The following DNER variants were observed in gnomAD, a reference collection of about 807,000 sequenced individuals.
DNER encodes the protein delta and Notch-like epidermal growth factor-related receptor.
Under a neutral mutation model 78.2 loss-of-function variants are expected in DNER, and 33 were observed. That is an observed-to-expected ratio of 0.42 (90% CI 0.32 to 0.56). DNER has a LOEUF of 0.56. DNER is among the 20% of genes least tolerant of loss of function. The pLI is 0.11. For missense variants in DNER, 918 were observed against 975.3 expected (o/e 0.94, Z 0.78); for synonymous variants, 417 against 384.8 (o/e 1.08, Z -0.98).
At position 229,434,908 on chromosome 2, in the gene DNER, T is replaced by TTA. The variant is rs10533759; in HGVS notation, c.1486+12406_1486+12407dup. ...ATCTGCTTACATATATAGAGACAAT[T>TTA]TATATATATATATATATACACACAC... On this transcript the variant is annotated intron_variant, in intron 8 of 12. Transcript: ENST00000341772. Among the ~76,000 whole-genome samples the TTA allele has an allele frequency of 3.9e-3, 462 of 118,790 alleles. 1 individual carries two copies. Among genetic ancestry groups the TTA allele is most frequent in the African/African-American group, 0.012 (416 of 34,222 alleles). 77.9% of individuals were successfully genotyped at this position (118,790 alleles called of 152,430 possible).
intron 6 of DNER, among the ~76,000 whole-genome samples, chr2:229,491,304 T>C (rs947827497): frequency 2.0e-5 from 3 of 152,198 alleles, no homozygotes; most frequent in African/African-American, 7.2e-5. Flanking sequence ...GAGGGCCCAT[T>C]CCTCATAGAC....
intron 7 of DNER, among the ~76,000 whole-genome samples, chr2:229,468,563 C>T (rs1198288471): frequency 6.6e-6 from 1 of 152,178 alleles, no homozygotes; most frequent in African/African-American, 2.4e-5. Context: ...CCATCTCCAA[C>T]CTGGTCAGTC....
intron 5 of DNER, among the ~76,000 whole-genome samples, chr2:229,530,198 A>G (rs1183868107): frequency 1.3e-5 from 2 of 152,272 alleles, no homozygotes; most frequent in African/African-American, 2.4e-5. Context: ...ATGGTATTCT[A>G]TAAGCAGCTA....
intron 9 of DNER, among the ~76,000 whole-genome samples, chr2:229,411,762 T>C (rs1693526395): frequency 6.6e-6 from 1 of 152,146 alleles, no homozygotes; most frequent in South Asian, 2.1e-4. Flanking sequence ...TACAAAGCCA[T>C]TTAAAATAAA....
intron 7 of DNER, among the ~76,000 whole-genome samples, chr2:229,460,028 G>A (rs183321994): frequency 5.9e-5 from 9 of 151,836 alleles, no homozygotes; most frequent in Admixed American, 5.9e-4. Context: ...GTGGTGGGGG[G>A]TGCCTGTAGT....
At chr2:229,523,113 A>T (rs2154212625) in intron 5 of DNER, among the ~76,000 whole-genome samples, 1 of 152,266 alleles carries the variant, frequency 6.6e-6, no homozygotes, top group South Asian at 2.1e-4. Context: ...ACTGAGTGGG[A>T]ATGGGAAGGG....
intron 10 of DNER, among the ~76,000 whole-genome samples, chr2:229,402,531 G>A (rs191390325): frequency 1.3e-5 from 2 of 152,294 alleles, no homozygotes; most frequent in South Asian, 2.1e-4. Context: ...TTAAAAGACA[G>A]AGAGAAAGAT....
intron 8 of DNER, among the ~76,000 whole-genome samples, chr2:229,425,522 T>C (rs1439245794): frequency 6.6e-6 from 1 of 152,128 alleles, no homozygotes; most frequent in African/African-American, 2.4e-5. Context: ...TAAGAGTCAC[T>C]CAATTCCTAC....
intron 6 of DNER, among the ~76,000 whole-genome samples, chr2:229,509,082 C>T (rs10193281): frequency 0.19 from 28,447 of 151,954 alleles, 2,760 homozygotes; most frequent in South Asian, 0.27. Context: ...TGGTGCTTAG[C>T]AAATATGTAA....
chr2:229,574,232 A>T (rs1697257958), intron 4 of DNER, among the ~76,000 whole-genome samples: 1 of 152,214 alleles, frequency 6.6e-6, no homozygotes, highest in Admixed American at 6.5e-5. Context: ...TAAATTCCAT[A>T]TCTGGGAATT....
At chr2:229,546,786 C>CAGAT (rs756832373) in intron 5 of DNER, among the ~76,000 whole-genome samples, 161 bp downstream of exon 5, 257 of 150,148 alleles carry the variant, frequency 1.7e-3, no homozygotes, top group East Asian at 4.3e-3. Flanking sequence ...GACAGATAGA[C>CAGAT]AGATAGATAG....
At chr2:229,377,538 T>G (rs1381026714) in intron 11 of DNER, among the ~76,000 whole-genome samples, 1 of 152,254 alleles carries the variant, frequency 6.6e-6, no homozygotes, top group Non-Finnish European at 1.5e-5. Flanking sequence ...ACTGATGTTC[T>G]GTTAATTTCC....
intron 10 of DNER, among the ~76,000 whole-genome samples, chr2:229,392,737 G>A (rs781317519): frequency 6.6e-6 from 1 of 152,112 alleles, no homozygotes; most frequent in Non-Finnish European, 1.5e-5. Context: ...TATCCCTAGA[G>A]TAAGGCTACT....
chr2:229,416,481 A>C (rs1236849234), intron 9 of DNER, among the ~76,000 whole-genome samples: 1 of 152,170 alleles, frequency 6.6e-6, no homozygotes, highest in African/African-American at 2.4e-5. Flanking sequence ...GGCATGAGGC[A>C]GAGAGAGGCC....
At chr2:229,609,440 C>A (rs945193404) in intron 1 of DNER, among the ~76,000 whole-genome samples, 1 of 152,030 alleles carries the variant, frequency 6.6e-6, no homozygotes, top group Non-Finnish European at 1.5e-5. Context: ...TGTAAATGTT[C>A]GATAAGATTC....
At position 229,638,900 on chromosome 2, in the gene DNER, C is replaced by T. The variant is rs115224209; in HGVS notation, c.277-47012G>A. 4.9e-3 allele frequency among the ~76,000 whole-genome samples: 748 copies of T among 152,328 alleles called. 7 individuals carry two copies. The highest frequency in any genetic ancestry group is 0.017 in the African/African-American group (695 of 41,568). On this transcript the variant is annotated intron_variant, in intron 1 of 12. Transcript: ENST00000341772. ...AGAAATTAGGTTCCTAATCCAAAAA[C>T]ACCAAAAGCCTCAAGGCCAGGTCTC...
At chr2:229,572,668 GAGAATTT>G (rs1165847233) in intron 4 of DNER, among the ~76,000 whole-genome samples, 1 of 152,186 alleles carries the variant, frequency 6.6e-6, no homozygotes, top group Non-Finnish European at 1.5e-5. Flanking sequence ...TAGTGGGAGA[GAGAATTT>G]AAGAAAGCAG....
intron 1 of DNER, among the ~76,000 whole-genome samples, chr2:229,700,336 C>T (rs1370085891): frequency 1.9e-4 from 20 of 103,012 alleles, no homozygotes; most frequent in Non-Finnish European, 2.1e-4. Context: ...GTCAGTGCAA[C>T]ATTTTTTTTT....
At chr2:229,560,708 C>T (rs13382508) in intron 4 of DNER, among the ~76,000 whole-genome samples, 3,597 of 152,226 alleles carry the variant, frequency 0.024, 151 homozygotes, top group African/African-American at 0.083. Flanking sequence ...TTGACAATGT[C>T]GGGCCAGGTG....
Sources: allele counts gnomAD v4.1 joint callset (sites outside exome capture counted in the v4.1 genomes callset), GRCh38; gene constraint gnomAD v4.1.1; transcripts MANE v1.5; gene names NCBI Gene and HGNC (gene_info 2026-07-23, HGNC 2026-07-21).